MBD5: variants seen among roughly 807,000 people sequenced by gnomAD.
The protein encoded by MBD5 is methyl-CpG binding domain protein 5.
Under a neutral mutation model 117.3 loss-of-function variants are expected in MBD5, and 13 were observed. The observed-to-expected ratio is 0.11, with a 90% CI of 0.07 to 0.18. The LOEUF (loss-of-function observed/expected upper bound fraction) is 0.18, where lower values mean the gene tolerates loss of function less well. Among genes scored for constraint, MBD5 ranks in the 10% least tolerant of loss-of-function variants. The probability of loss-of-function intolerance (pLI) is 1.00; values close to 1 mark genes in which losing one functional copy is unlikely to be tolerated. For synonymous variants in MBD5, 727 were observed against 766.4 expected (o/e 0.95, Z 0.85); for missense variants, 1,879 against 2,093.8 (o/e 0.90, Z 2.00).
intron 4 of MBD5, among the ~76,000 whole-genome samples, chr2:148,437,133 C>CTGT: frequency 0.023 from 1 of 44 alleles, no homozygotes; most frequent in Admixed American, 0.17. Flanking sequence ...CAGGCACGTG[C>CTGT]ACCGCGCCTG....
intron 1 of MBD5, among the ~76,000 whole-genome samples, chr2:148,082,341 G>A (rs565745060): frequency 2.6e-5 from 4 of 152,176 alleles, no homozygotes; most frequent in African/African-American, 9.6e-5. Context: ...TCTCTGTCAA[G>A]CTTCTTTCAA....
chr2:148,462,246 T>C (rs143350399), intron 5 of MBD5, among the ~76,000 whole-genome samples: 2 of 152,192 alleles, frequency 1.3e-5, no homozygotes, highest in Non-Finnish European at 1.5e-5. Flanking sequence ...ATTGCTTTTA[T>C]GTAGTTTTCT....
chr2:148,508,437 G>C (rs1291498245), intron 12 of MBD5, among the ~76,000 whole-genome samples: 3 of 151,888 alleles, frequency 2.0e-5, no homozygotes, highest in African/African-American at 7.3e-5. Flanking sequence ...AACAATACTA[G>C]ATTAAAGTAT....
At chr2:148,476,795 G>C (rs955315020) in intron 8 of MBD5, among the ~76,000 whole-genome samples, 1 of 152,108 alleles carries the variant, frequency 6.6e-6, no homozygotes, top group Non-Finnish European at 1.5e-5. Context: ...ACAAAGCTAA[G>C]CATATTCATA....
At chr2:148,340,094 G>A (rs529289943) in intron 3 of MBD5, among the ~76,000 whole-genome samples, 194 of 152,004 alleles carry the variant, frequency 1.3e-3, no homozygotes, top group Middle Eastern at 0.01. Context: ...CTTCCATTCT[G>A]CCTAAAAACT....
At chr2:148,036,985 A>T (rs879832835) in intron 1 of MBD5, among the ~76,000 whole-genome samples, 29 of 151,182 alleles carry the variant, frequency 1.9e-4, no homozygotes, top group Non-Finnish European at 3.4e-4. Flanking sequence ...GCATTTTTAA[A>T]GAGATAATTA....
intron 3 of MBD5, among the ~76,000 whole-genome samples, chr2:148,280,830 C>G (rs1701230099): frequency 6.6e-6 from 1 of 152,132 alleles, no homozygotes. Flanking sequence ...TTTGGCCTCT[C>G]TACTTAATGG....
rs534332740 is a variant in MBD5, at chr2:148,449,372, G to A, written c.-556-8831G>A. 5.3e-5 allele frequency among the ~76,000 whole-genome samples: 8 copies of A among 152,034 alleles called. No homozygotes were observed. In the East Asian group the frequency reaches 1.2e-3, roughly 22 times the overall value. ...TTTTGCAATCTTGTAGGATGTCAAG[G>A]GTGAAGAGAAAGCTCAGTTCGTAAT... On this transcript the variant is annotated intron_variant, in intron 4 of 13. Transcript: ENST00000642680.
chr2:148,489,821 G>C lies in MBD5; in HGVS notation c.4189G>C (p.Ala1397Pro). The change falls in exon 11 of 14, where the codon GCT becomes CCT. Residue 1397 changes from alanine (A) to proline (P), a missense_variant. Transcript: ENST00000642680. ...TGGTAGGCTGAGGAATTCAAGAGGGGCTCGGCTGCCCAAGAATCTAGACCA... is the reference window on the plus strand; with the variant it reads ...TGGTAGGCTGAGGAATTCAAGAGGGCCTCGGCTGCCCAAGAATCTAGACCA... Reference protein sequence around the residue: ...HDGRLRNSRGARLPKNLDHGK... With the variant: ...HDGRLRNSRGPRLPKNLDHGK... 1 of 1,614,122 alleles carries C rather than the reference G, an allele frequency of 6.2e-7. No individual in the cohort carries two copies. The highest frequency in any genetic ancestry group is 8.5e-7 in the Non-Finnish European group (1 of 1,180,018).
At chr2:148,338,471 A>T (rs1247127736) in intron 3 of MBD5, among the ~76,000 whole-genome samples, 1 of 152,182 alleles carries the variant, frequency 6.6e-6, no homozygotes, top group Non-Finnish European at 1.5e-5. Context: ...TTTGTACATA[A>T]TAATCAGTAA....
chr2:148,283,841 A>T (rs1701306662), intron 3 of MBD5, among the ~76,000 whole-genome samples: 1 of 152,226 alleles, frequency 6.6e-6, no homozygotes, highest in Non-Finnish European at 1.5e-5. Context: ...CAGCTGCTTT[A>T]TAACCCCTTT....
chr2:148,208,311 G>A (rs1699334743), intron 2 of MBD5, among the ~76,000 whole-genome samples: 1 of 152,064 alleles, frequency 6.6e-6, no homozygotes, highest in South Asian at 2.1e-4. Context: ...GAGTGCAGTG[G>A]CATGATCTCA....
At chr2:148,331,687 A>G (rs910314732) in intron 3 of MBD5, among the ~76,000 whole-genome samples, 1 of 152,086 alleles carries the variant, frequency 6.6e-6, no homozygotes, top group South Asian at 2.1e-4. Context: ...ATTAACCTTC[A>G]GATTTTCAAG....
At chr2:148,324,391 G>A (rs567894158) in intron 3 of MBD5, among the ~76,000 whole-genome samples, 165 of 152,290 alleles carry the variant, frequency 1.1e-3, no homozygotes, top group African/African-American at 3.8e-3. Context: ...TTGGTAGCTT[G>A]ATGGGGATGG....
chr2:148,277,075 G>T (rs1024128546), intron 3 of MBD5, among the ~76,000 whole-genome samples: 9 of 152,110 alleles, frequency 5.9e-5, no homozygotes, highest in Admixed American at 4.6e-4. Context: ...ATTTTCAGTT[G>T]TCCACAGTAT....
At chr2:148,085,827 A>G (rs1695767971) in intron 1 of MBD5, among the ~76,000 whole-genome samples, 1 of 152,234 alleles carries the variant, frequency 6.6e-6, no homozygotes, top group Admixed American at 6.5e-5. Context: ...AAATACTGAT[A>G]TAAATGTTCA....
At chr2:148,100,105 G>C (rs1696167725) in intron 1 of MBD5, among the ~76,000 whole-genome samples, 1 of 152,106 alleles carries the variant, frequency 6.6e-6, no homozygotes, top group Non-Finnish European at 1.5e-5. Flanking sequence ...AGGAGAATGT[G>C]ACATTTCGAG....
intron 3 of MBD5, chr2:148,244,470 T>A (rs949402191): frequency 2.6e-5 from 4 of 152,192 alleles, no homozygotes; most frequent in Non-Finnish European, 4.4e-5. Flanking sequence ...ATTCAATCTA[T>A]ATTATGTGAG....
chr2:148,456,509 C>G (rs1288558441), intron 4 of MBD5, among the ~76,000 whole-genome samples: 2 of 152,110 alleles, frequency 1.3e-5, no homozygotes, highest in African/African-American at 4.8e-5. Context: ...AGCATAGTAC[C>G]TAGCACATAT....
Sources: allele counts gnomAD v4.1 joint callset (sites outside exome capture counted in the v4.1 genomes callset), GRCh38; gene constraint gnomAD v4.1.1; transcripts MANE v1.5; gene names NCBI Gene and HGNC (gene_info 2026-07-23, HGNC 2026-07-21).